NRXN2: variants seen among roughly 807,000 people sequenced by gnomAD.
NRXN2 encodes the protein neurexin 2.
NRXN2 carries 29 observed loss-of-function variants against 128.8 expected under a neutral mutation model. That is an observed-to-expected ratio of 0.23 (90% CI 0.17 to 0.31). The LOEUF (loss-of-function observed/expected upper bound fraction) is 0.31. Among genes scored for constraint, NRXN2 ranks in the 10% least tolerant of loss-of-function variants. The pLI, the probability that NRXN2 is intolerant of heterozygous loss-of-function variation, is 1.00. For missense variants in NRXN2, 1,881 were observed against 2,452.6 expected (o/e 0.77, Z 4.92); for synonymous variants, 1,098 against 1,075.2 (o/e 1.02, Z -0.41).
At chr11:64,679,493 C>A (rs1437694783) in intron 6 of NRXN2, among the ~76,000 whole-genome samples, 1 of 152,028 alleles carries the variant, frequency 6.6e-6, no homozygotes, top group Admixed American at 6.6e-5. Context: ...AAAAATTAGC[C>A]AGGCGTGGTG....
At chr11:64,706,410 A>C (rs2056334939) in intron 2 of NRXN2, among the ~76,000 whole-genome samples, 1 of 146,744 alleles carries the variant, frequency 6.8e-6, no homozygotes, top group African/African-American at 2.5e-5. Context: ...CCTATGAGTG[A>C]GAACATGCGG....
At chr11:64,709,178 G>A (rs1396234293) in intron 2 of NRXN2, among the ~76,000 whole-genome samples, 2 of 137,202 alleles carry the variant, frequency 1.5e-5, no homozygotes, top group South Asian at 2.3e-4. Context: ...GGCACAGAGC[G>A]AGACTCCATC....
At chr11:64,674,247 G>C (rs534350505) in intron 7 of NRXN2, among the ~76,000 whole-genome samples, 1 of 152,142 alleles carries the variant, frequency 6.6e-6, no homozygotes, top group Admixed American at 6.5e-5. Flanking sequence ...CTGGAGTGCA[G>C]AGGCGTAATC....
At position 64,635,460 on chromosome 11, in the gene NRXN2, G is replaced by A; in HGVS notation, c.3404-8C>T. The A allele has an allele frequency of 6.2e-7, 1 of 1,613,604 alleles. No individual in the cohort carries two copies. Among genetic ancestry groups the A allele is most frequent in the Admixed American group, 1.7e-5 (1 of 60,014 alleles). On this transcript the variant is annotated splice_polypyrimidine_tract_variant and splice_region_variant and intron_variant, in intron 17 of 22. Transcript: ENST00000265459. The surrounding 1 kb of genome is among the most constrained non-coding windows in gnomAD (Gnocchi z 4.8). ...AGATGTATGTGGTCCCGGCTGCAGA[G>A]AGAAGGAAAGGGAGACAAGAAGAAA... is the stretch of plus-strand genomic sequence containing the variant.
Position 64,651,120 on chromosome 11 carries a change from A to G in NRXN2, c.2918+135T>C. The G allele has an allele frequency of 8.1e-7, 1 of 1,227,906 alleles. No individual in the cohort carries two copies. Among genetic ancestry groups the G allele is most frequent in the Non-Finnish European group, 1.2e-6 (1 of 852,992 alleles). The allele number at this position is 1,227,906 out of a possible 1,614,324, so 76.1% of individuals were successfully genotyped here. A position where few individuals can be genotyped will look rare whatever the true frequency, so the allele number is the denominator to read the frequency against. On this transcript the variant is annotated intron_variant, in intron 14 of 22. Coordinates refer to ENST00000265459, the MANE Select transcript of NRXN2 (RefSeq NM_015080.4). This position sits in a 1 kb window ranked among gnomAD's most constrained non-coding sequence, Gnocchi z 5.9. Reference sequence around the variant, plus strand: ...GGCTGAAGAGGGAGCCTCTCGACTTACGGTCGGGGACCTGAATCTTGACTT... The same window carrying G: ...GGCTGAAGAGGGAGCCTCTCGACTTGCGGTCGGGGACCTGAATCTTGACTT...
intron 11 of NRXN2, among the ~76,000 whole-genome samples, chr11:64,654,206 G>A (rs576555188): frequency 6.6e-6 from 1 of 152,220 alleles, no homozygotes; most frequent in African/African-American, 2.4e-5. Flanking sequence ...GTTCCCCTCT[G>A]GGCTCTGAGC....
chr11:64,677,629 A>G (rs1053919929), intron 6 of NRXN2, among the ~76,000 whole-genome samples: 1 of 152,218 alleles, frequency 6.6e-6, no homozygotes, highest in African/African-American at 2.4e-5. Flanking sequence ...GAGGGAAGGC[A>G]GGGGATTAAG....
In NRXN2 at chr11:64,713,424, C is replaced by G. The variant is rs1171839392; in HGVS notation, c.276G>C (p.Thr92=). ...LVDGRLRLRF[T]LSCAEPATLQ... is the part of the protein sequence containing the mutation. ...GCGTGGCCGGCTCGGCGCACGAAAG[C>G]GTGAAGCGCAGCCGCAGGCGGCCGT... The change falls in exon 2 of 23, where the codon ACG becomes ACC. Residue 92 remains threonine (T), a synonymous_variant. Coordinates refer to ENST00000265459, the MANE Select transcript of NRXN2 (RefSeq NM_015080.4). 1 of 1,503,682 alleles carries G rather than the reference C, an allele frequency of 6.7e-7. No individual in the cohort carries two copies. The highest frequency in any genetic ancestry group is 8.8e-7 in the Non-Finnish European group (1 of 1,133,042). The allele number at this position is 1,503,682 out of a possible 1,614,324, so 93.1% of individuals were successfully genotyped here. A position where few individuals can be genotyped will look rare whatever the true frequency, so the allele number is the denominator to read the frequency against.
In NRXN2 at chr11:64,694,253, T is replaced by G. The variant is rs560514367; in HGVS notation, c.749-1377A>C. Among the ~76,000 whole-genome samples, 23 of 152,288 alleles carry G rather than the reference T, an allele frequency of 1.5e-4. 1 individual carries two copies. Among genetic ancestry groups the G allele is most frequent in the Admixed American group, 1.2e-3 (18 of 15,304 alleles). ...AAGAGGGTAGGAAGGGGAACAGCCCTGCAGTGCCACTGTCACCCTTGGAAA... is the reference window on the plus strand; with the variant it reads ...AAGAGGGTAGGAAGGGGAACAGCCCGGCAGTGCCACTGTCACCCTTGGAAA... On this transcript the variant is annotated intron_variant, in intron 3 of 22. Transcript: ENST00000265459.
Position 64,607,864 on chromosome 11 carries a change from C to T in NRXN2, c.4471G>A (p.Glu1491Lys). 6.3e-7 allele frequency: 1 copy of T among 1,592,902 alleles called. No homozygotes were observed. The highest frequency in any genetic ancestry group is 8.5e-7 in the Non-Finnish European group (1 of 1,170,488). ...RDDSDCEEPIEASGFASGEVF... is the reference protein window; with the variant it reads ...RDDSDCEEPIKASGFASGEVF... ...TCCCCGGAGGCGAAGCCCGAGGCCTCGATGGGCTCCTCGCAGTCGCTGTCG... is the reference window on the plus strand; with the variant it reads ...TCCCCGGAGGCGAAGCCCGAGGCCTTGATGGGCTCCTCGCAGTCGCTGTCG... Residue 1491 changes from glutamate to lysine, a missense_variant, in exon 23 of 23, where the codon GAG (glutamate) becomes AAG (lysine). Around this residue, in one of 7 missense-constraint regions of NRXN2, gnomAD observed 310 missense variants for 318.2 expected, o/e 0.97. Coordinates refer to ENST00000265459, the MANE Select transcript of NRXN2 (RefSeq NM_015080.4).
At chr11:64,655,618 T>A (rs2048157901) in intron 11 of NRXN2, among the ~76,000 whole-genome samples, 1 of 152,012 alleles carries the variant, frequency 6.6e-6, no homozygotes, top group Non-Finnish European at 1.5e-5. Context: ...AGAAGGAGCT[T>A]GATTCTTCTC....
chr11:64,690,135 C>T (rs1463861723), intron 5 of NRXN2, among the ~76,000 whole-genome samples: 1 of 152,234 alleles, frequency 6.6e-6, no homozygotes, highest in Non-Finnish European at 1.5e-5. Context: ...TCAGCCTGAA[C>T]AACTGCCACA....
In NRXN2 at chr11:64,667,787, C is replaced by A. The variant is rs922858387; in HGVS notation, c.1360-99G>T. 7.6e-6 allele frequency: 8 copies of A among 1,049,998 alleles called. No individual in the cohort carries two copies. In the African/African-American group the frequency reaches 1.2e-4, roughly 16 times the overall value. 65.0% of individuals were successfully genotyped at this position (1,049,998 alleles called of 1,614,324 possible). ...GAGCACCAGGGGACCCAGCCACCCACCCCTGTAGCCCCTGCTCAGTTCCAC... is the reference window on the plus strand; with the variant it reads ...GAGCACCAGGGGACCCAGCCACCCAACCCTGTAGCCCCTGCTCAGTTCCAC... On this transcript the variant is annotated intron_variant, in intron 8 of 22. Transcript: ENST00000265459. The surrounding 1 kb of genome is among the most constrained non-coding windows in gnomAD (Gnocchi z 5.6).
intron 20 of NRXN2, among the ~76,000 whole-genome samples, chr11:64,625,761 C>T (rs1457241543): frequency 1.3e-5 from 2 of 152,178 alleles, no homozygotes; most frequent in African/African-American, 4.8e-5. Context: ...TGGGGCCTCA[C>T]AAGGGGCTTG....
intron 2 of NRXN2, among the ~76,000 whole-genome samples, chr11:64,709,008 A>G (rs1210915359): frequency 2.6e-5 from 4 of 152,130 alleles, no homozygotes; most frequent in Admixed American, 2.6e-4. Context: ...CCTGACCAAC[A>G]TGGTGAAAAC....
intron 1 of NRXN2, among the ~76,000 whole-genome samples, chr11:64,718,217 CCA>C (rs879283747): frequency 4.6e-5 from 7 of 152,124 alleles, no homozygotes; most frequent in Non-Finnish European, 8.8e-5. Context: ...TGATCCATGC[CCA>C]CACAAGCAGA....
intron 11 of NRXN2, chr11:64,659,561 G>C (rs139154826): frequency 2.0e-5 from 3 of 152,568 alleles, no homozygotes; most frequent in Non-Finnish European, 4.4e-5. Flanking sequence ...AGCCCTGTCC[G>C]AGGCAATGGG....
chr11:64,644,354 ACTC>A (rs1279466962), intron 17 of NRXN2, among the ~76,000 whole-genome samples: 1 of 150,506 alleles, frequency 6.6e-6, no homozygotes, highest in Non-Finnish European at 1.5e-5. Flanking sequence ...CCTCTCCTGG[ACTC>A]CTCCAATCCT....
chr11:64,678,671 CA>C (rs1459577430), intron 6 of NRXN2, among the ~76,000 whole-genome samples: 1 of 152,114 alleles, frequency 6.6e-6, no homozygotes, highest in African/African-American at 2.4e-5. Flanking sequence ...AACCACCTTC[CA>C]AATTACCCCT....
Sources: allele counts gnomAD v4.1 joint callset (sites outside exome capture counted in the v4.1 genomes callset), GRCh38; gene constraint gnomAD v4.1.1; regional missense constraint gnomAD v4.1.1; non-coding constraint Gnocchi (gnomAD v3.1); transcripts MANE v1.5; gene names NCBI Gene and HGNC (gene_info 2026-07-23, HGNC 2026-07-21).